ATP8A2: variants seen among roughly 807,000 people sequenced by gnomAD.
The protein encoded by ATP8A2 is ATPase phospholipid transporting 8A2.
A neutral mutation model predicts 165.6 loss-of-function variants in ATP8A2; 100 were observed. The ratio of observed to expected loss-of-function variants is 0.60; its 90% confidence interval spans 0.51 to 0.71. ATP8A2 has a LOEUF of 0.71. Ranked by LOEUF, ATP8A2 falls within the 30% of genes least tolerant of loss-of-function variation. The probability of loss-of-function intolerance (pLI) is 0.00; values close to 1 mark genes in which losing one functional copy is unlikely to be tolerated. For synonymous variants in ATP8A2, 543 were observed against 548.8 expected (o/e 0.99, Z 0.15); for missense variants, 1,227 against 1,479.5 (o/e 0.83, Z 2.80).
At chr13:25,869,968 C>T (rs1407071565) in intron 33 of ATP8A2, among the ~76,000 whole-genome samples, 1 of 152,202 alleles carries the variant, frequency 6.6e-6, no homozygotes, top group East Asian at 1.9e-4. Context: ...AGGTTCTTGC[C>T]TTGGTTTACC....
At chr13:25,613,410 C>T (rs984823087) in intron 24 of ATP8A2, among the ~76,000 whole-genome samples, 7 of 152,108 alleles carry the variant, frequency 4.6e-5, no homozygotes, top group African/African-American at 1.7e-4. Flanking sequence ...CTCGTCTCTA[C>T]TAAAAATACA....
intron 24 of ATP8A2, among the ~76,000 whole-genome samples, chr13:25,634,285 C>A (rs2041317526): frequency 6.6e-6 from 1 of 152,122 alleles, no homozygotes; most frequent in Non-Finnish European, 1.5e-5. Flanking sequence ...AATTGAGCTC[C>A]TGATGGAGTA....
chr13:25,524,118 A>G (rs1483498198), intron 2 of ATP8A2, among the ~76,000 whole-genome samples: 4 of 152,082 alleles, frequency 2.6e-5, no homozygotes, highest in Non-Finnish European at 5.9e-5. Context: ...TCATTGACCT[A>G]TCAGTTGTTG....
intron 33 of ATP8A2, among the ~76,000 whole-genome samples, chr13:25,926,947 C>T (rs529907953): frequency 6.6e-6 from 1 of 152,318 alleles, no homozygotes; most frequent in Non-Finnish European, 1.5e-5. Context: ...TATTGGTGCC[C>T]AGAGAGCCCT....
chr13:25,989,098 G>A (rs1244014669), intron 35 of ATP8A2, among the ~76,000 whole-genome samples: 1 of 152,230 alleles, frequency 6.6e-6, no homozygotes, highest in Non-Finnish European at 1.5e-5. Context: ...AATCGGTGGT[G>A]AAGCTCATCT....
chr13:25,592,413 A>G (rs181074907), intron 24 of ATP8A2, among the ~76,000 whole-genome samples: 116 of 152,346 alleles, frequency 7.6e-4, no homozygotes, highest in East Asian at 5.8e-4. Flanking sequence ...AAGAATTTCT[A>G]TTTAAAAGTC....
chr13:25,594,984 G>GTATATATATATATATATATATATA (rs58403530), intron 24 of ATP8A2, among the ~76,000 whole-genome samples: 2 of 142,818 alleles, frequency 1.4e-5, no homozygotes, highest in Non-Finnish European at 3.0e-5. Flanking sequence ...GTGTGTGTGT[G>GTATATATATATATATATATATATA]TATATATATA....
At chr13:25,386,952 G>A (rs533854950) in intron 1 of ATP8A2, among the ~76,000 whole-genome samples, 5 of 126,054 alleles carry the variant, frequency 4.0e-5, no homozygotes, top group East Asian at 2.9e-4. Context: ...AGCCGAGATC[G>A]CGCCCTTGCA....
intron 33 of ATP8A2, among the ~76,000 whole-genome samples, chr13:25,913,105 T>C (rs1318241499): frequency 6.6e-6 from 1 of 152,228 alleles, no homozygotes; most frequent in Non-Finnish European, 1.5e-5. Flanking sequence ...TCTCATGTTA[T>C]TCCATACAGT....
intron 33 of ATP8A2, chr13:25,881,101 C>T (rs1358104752): frequency 7.1e-6 from 2 of 283,628 alleles, no homozygotes; most frequent in Non-Finnish European, 1.4e-5. Flanking sequence ...CACTGGTTTT[C>T]AAATATATTA....
At chr13:25,456,467 C>G (rs1313610891) in intron 1 of ATP8A2, among the ~76,000 whole-genome samples, 3 of 152,200 alleles carry the variant, frequency 2.0e-5, no homozygotes, top group Non-Finnish European at 4.4e-5. Flanking sequence ...GAGAAATGTG[C>G]TTTCTGGAAT....
At position 25,914,913 on chromosome 13, in the gene ATP8A2, C is replaced by A. The variant is rs143706399; in HGVS notation, c.3184-46662C>A. Among the ~76,000 whole-genome samples the A allele has an allele frequency of 2.3e-3, 358 of 152,350 alleles. 4 individuals are homozygous for A. Among genetic ancestry groups the A allele is most frequent in the African/African-American group, 8.2e-3 (340 of 41,590 alleles). ...CTGTGGAACGCCCTTCTTCCCCCTT[C>A]CCGATTTGTTAGGATTTGGCTCACC... On this transcript the variant is annotated intron_variant, in intron 33 of 36. Transcript: ENST00000381655.
At chr13:25,730,808 G>A (rs1377799856) in intron 25 of ATP8A2, among the ~76,000 whole-genome samples, 2 of 151,974 alleles carry the variant, frequency 1.3e-5, no homozygotes, top group Non-Finnish European at 2.9e-5. Flanking sequence ...GGCATGAGTG[G>A]CTCACACCTG....
chr13:25,531,316 GTT>G (rs1566229619), intron 4 of ATP8A2, among the ~76,000 whole-genome samples: 115 of 118,524 alleles, frequency 9.7e-4, no homozygotes, highest in African/African-American at 3.3e-3. Flanking sequence ...TGATATATAT[GTT>G]ATATATGATA....
At chr13:25,801,899 G>A (rs912941794) in intron 27 of ATP8A2, among the ~76,000 whole-genome samples, 24 of 152,096 alleles carry the variant, frequency 1.6e-4, no homozygotes, top group African/African-American at 5.8e-4. Flanking sequence ...GAGAAGTGCA[G>A]AGCAAAGTGG....
At chr13:25,378,995 A>T (rs2032741266) in intron 1 of ATP8A2, among the ~76,000 whole-genome samples, 1 of 152,224 alleles carries the variant, frequency 6.6e-6, no homozygotes, top group African/African-American at 2.4e-5. Flanking sequence ...GCATATTTGT[A>T]TACTTTTCTT....
intron 27 of ATP8A2, among the ~76,000 whole-genome samples, chr13:25,790,441 C>T (rs1000132443): frequency 1.3e-5 from 2 of 151,688 alleles, no homozygotes; most frequent in African/African-American, 4.8e-5. Context: ...CTTGTAATTC[C>T]AGCACTTTGG....
intron 2 of ATP8A2, among the ~76,000 whole-genome samples, chr13:25,493,580 T>C (rs1469861415): frequency 1.3e-5 from 2 of 152,228 alleles, no homozygotes; most frequent in African/African-American, 2.4e-5. Context: ...TGTCATCACG[T>C]TGATCTTGCA....
intron 1 of ATP8A2, among the ~76,000 whole-genome samples, chr13:25,375,490 T>A (rs1430034894): frequency 2.6e-5 from 4 of 152,150 alleles, no homozygotes; most frequent in African/African-American, 9.7e-5. Flanking sequence ...TGGCAGAAGC[T>A]CTTCCCTATC....
Sources: allele counts gnomAD v4.1 joint callset (sites outside exome capture counted in the v4.1 genomes callset), GRCh38; gene constraint gnomAD v4.1.1; transcripts MANE v1.5; gene names NCBI Gene and HGNC (gene_info 2026-07-23, HGNC 2026-07-21).